SENP8: variants seen among roughly 807,000 people sequenced by gnomAD.
The protein encoded by SENP8 is SUMO peptidase family member, NEDD8 specific.
SENP8 carries 10 observed loss-of-function variants against 14.4 expected under a neutral mutation model. That is an observed-to-expected ratio of 0.69 (90% CI 0.43 to 1.18). The LOEUF (loss-of-function observed/expected upper bound fraction) is 1.18, where lower values mean the gene tolerates loss of function less well. Among genes scored for constraint, SENP8 ranks in the 50% most tolerant of loss-of-function variants. The pLI is 0.00. For synonymous variants in SENP8, 94 were observed against 95.5 expected, an observed-to-expected ratio of 0.98 and a Z score of 0.09; for missense variants, 202 against 249.4, an observed-to-expected ratio of 0.81 and a Z score of 1.28.
rs1033182630 is a variant in SENP8, at chr15:72,140,224, G to A, written c.601G>A (p.Glu201Lys). Residue 201 changes from glutamate to lysine, a missense_variant, in exon 2 of 2, where the codon GAA (glutamate) becomes AAA (lysine). Coordinates refer to ENST00000340912, the MANE Select transcript of SENP8 (RefSeq NM_145204.4). ...TPAYITKKRG[E>K]WKDLITTLAK... ...TGCATACATCACAAAGAAGAGGGGA[G>A]AATGGAAAGATCTCATTACCACACT... 1 of 1,613,846 alleles carries A rather than the reference G, an allele frequency of 6.2e-7. No homozygotes were observed. Among genetic ancestry groups the A allele is most frequent in the Non-Finnish European group, 8.5e-7 (1 of 1,179,884 alleles).
At chr15:72,117,164 G>A (rs1166787809), upstream of SENP8, 2 of 152,202 alleles carry the variant, frequency 1.3e-5, no homozygotes, top group Non-Finnish European at 2.9e-5. Context: ...ACATCTACCG[G>A]GAGTAAGAAC....
chr15:72,126,491 G>T (rs1743574831), intron 1 of SENP8, among the ~76,000 whole-genome samples: 1 of 152,096 alleles, frequency 6.6e-6, no homozygotes, highest in African/African-American at 2.4e-5. Flanking sequence ...CAGGCACAGT[G>T]GCAGTTGCCT....
chr15:72,138,366 T>C (rs896066499), intron 1 of SENP8, among the ~76,000 whole-genome samples: 1 of 151,340 alleles, frequency 6.6e-6, no homozygotes, highest in African/African-American at 2.4e-5. Context: ...TTTTTTTTTT[T>C]TGAGATGGAG....
At chr15:72,138,089 G>T (rs2081344302) in intron 1 of SENP8, among the ~76,000 whole-genome samples, 2 of 152,100 alleles carry the variant, frequency 1.3e-5, no homozygotes, top group South Asian at 4.1e-4. Flanking sequence ...TTGTCATTAT[G>T]CATATTCATT....
At position 72,140,094 on chromosome 15, in the gene SENP8, A is replaced by G. The variant is rs1447413555; in HGVS notation, c.471A>G (p.Gln157=). 1 of 1,614,212 alleles carries G rather than the reference A, an allele frequency of 6.2e-7. No homozygotes were observed. Among genetic ancestry groups the G allele is most frequent in the Non-Finnish European group, 8.5e-7 (1 of 1,180,044 alleles). ...LAFVEEKAPA[Q]QNSYDCGMYV... is the part of the protein sequence containing the mutation. ...TTGTGGAAGAGAAAGCCCCTGCCCAACAAAACAGCTATGACTGTGGGATGT... is the reference window on the plus strand; with the variant it reads ...TTGTGGAAGAGAAAGCCCCTGCCCAGCAAAACAGCTATGACTGTGGGATGT... The change falls in exon 2 of 2, where the codon CAA becomes CAG. Residue 157 remains glutamine, a synonymous_variant. Transcript: ENST00000340912.
At chr15:72,119,174 T>A (rs2081117209) in intron 1 of SENP8, among the ~76,000 whole-genome samples, 1 of 152,178 alleles carries the variant, frequency 6.6e-6, no homozygotes, top group Non-Finnish European at 1.5e-5. Flanking sequence ...CTCAAAAGCG[T>A]ACCATGAAAC....
chr15:72,118,288 A>G, upstream of SENP8: 1 of 282,188 alleles, frequency 3.5e-6, no homozygotes, highest in Non-Finnish European at 6.6e-6. Context: ...GCCCCGCCCA[A>G]ATTTTTTCTT....
chr15:72,137,089 C>G (rs1272875418), intron 1 of SENP8, among the ~76,000 whole-genome samples: 1 of 152,104 alleles, frequency 6.6e-6, no homozygotes, highest in Non-Finnish European at 1.5e-5. Context: ...GTTTGGAGCT[C>G]TAGCTGGATT....
intron 1 of SENP8, among the ~76,000 whole-genome samples, chr15:72,136,682 A>C (rs552409497): frequency 6.6e-6 from 1 of 152,236 alleles, no homozygotes; most frequent in Admixed American, 6.5e-5. Flanking sequence ...ATTGCTTAAT[A>C]GTGTAGACAA....
chr15:72,125,695 G>C (rs142498276), intron 1 of SENP8, among the ~76,000 whole-genome samples: 2,042 of 152,026 alleles, frequency 0.013, 29 homozygotes, highest in African/African-American at 0.023. Flanking sequence ...AAGATCATAC[G>C]AAAAAAAGTT....
intron 1 of SENP8, among the ~76,000 whole-genome samples, chr15:72,133,126 G>A (rs894265528): frequency 3.3e-5 from 5 of 152,160 alleles, no homozygotes; most frequent in African/African-American, 1.2e-4. Flanking sequence ...AGCCAAGATT[G>A]CACCACTGCA....
At position 72,143,613 on chromosome 15, in the gene SENP8, A is replaced by C. The variant is rs2081393527; in HGVS notation, c.*3351A>C. On this transcript the variant is annotated 3_prime_UTR_variant, in exon 2 of 2. Transcript: ENST00000340912. Reference sequence around the variant, plus strand: ...TTTTTGAGGTTCTATAGAAATATATAATCTCATTAATTCTTATGTTCTCAT... The same window carrying C: ...TTTTTGAGGTTCTATAGAAATATATCATCTCATTAATTCTTATGTTCTCAT... 6.6e-6 allele frequency: 1 copy of C among 152,154 alleles called. No individual in the cohort carries two copies. The highest frequency in any genetic ancestry group is 1.5e-5 in the Non-Finnish European group (1 of 68,042). The allele number at this position is 152,154 out of a possible 1,614,324, so 9.4% of individuals were successfully genotyped here.
chr15:72,129,070 C>T (rs34862978), intron 1 of SENP8, among the ~76,000 whole-genome samples: 1 of 152,130 alleles, frequency 6.6e-6, no homozygotes, highest in African/African-American at 2.4e-5. Context: ...GGCTTATTTT[C>T]CCTGAAGTTT....
chr15:72,115,829 C>A (rs2080950593), upstream of SENP8, among the ~76,000 whole-genome samples: 1 of 151,994 alleles, frequency 6.6e-6, no homozygotes, highest in Non-Finnish European at 1.5e-5. Flanking sequence ...TTTCAACTCA[C>A]AAAATTATTT....
chr15:72,118,157 C>T (rs1021652693), upstream of SENP8: 12 of 373,850 alleles, frequency 3.2e-5, no homozygotes, highest in Non-Finnish European at 5.2e-5. Context: ...GCGCACTTAC[C>T]TCCCACGCCC....
At chr15:72,135,152 C>T (rs141606238) in intron 1 of SENP8, 2,036 of 193,768 alleles carry the variant, frequency 0.011, 62 homozygotes, top group Admixed American at 0.058. Context: ...ACCTCTGCCT[C>T]CCGTGTTCAA....
intron 1 of SENP8, among the ~76,000 whole-genome samples, chr15:72,121,724 A>G (rs7162299): frequency 0.66 from 100,950 of 151,952 alleles, 34,333 homozygotes; most frequent in Middle Eastern, 0.74. Flanking sequence ...CCTGTCTCCA[A>G]AAAAAATCTT....
intron 1 of SENP8, chr15:72,134,965 G>A (rs2081312269): frequency 3.2e-6 from 1 of 308,536 alleles, no homozygotes; most frequent in South Asian, 2.9e-5. Context: ...AATCGTGAAG[G>A]AAAATGATCA....
chr15:72,134,697 G>GA (rs1292917891), intron 1 of SENP8: 5 of 216,810 alleles, frequency 2.3e-5, no homozygotes, highest in Admixed American at 1.7e-4. Context: ...CTAGGCCTTG[G>GA]AAAAAACATG....
Sources: gnomAD v4.1 joint callset for allele counts (sites outside exome capture counted in the v4.1 genomes callset) on GRCh38, gnomAD v4.1.1 for gene constraint, MANE v1.5 for transcripts, NCBI Gene and HGNC (gene_info 2026-07-23, HGNC 2026-07-21) for gene names.